AKR1B10: variants seen among roughly 807,000 people sequenced by gnomAD.
The protein encoded by AKR1B10 is ARP.
AKR1B10 carries 39 observed loss-of-function variants against 38.9 expected under a neutral mutation model. The observed-to-expected ratio is 1.00, with a 90% CI of 0.78 to 1.31. The LOEUF (loss-of-function observed/expected upper bound fraction) is 1.31. Among genes scored for constraint, AKR1B10 ranks in the 50% most tolerant of loss-of-function variants. The probability of loss-of-function intolerance (pLI) is 0.00; values close to 1 mark genes in which losing one functional copy is unlikely to be tolerated. For missense variants in AKR1B10, 361 were observed against 382.6 expected (o/e 0.94, Z 0.47); for synonymous variants, 148 against 141.2 (o/e 1.05, Z -0.34).
intron 4 of AKR1B10, 122 bp from the exon 5 acceptor site, chr7:134,536,528 T>G (rs1337675314): frequency 1.4e-6 from 2 of 1,441,266 alleles, no homozygotes; most frequent in Non-Finnish European, 1.8e-6. Context: ...TTCCTGTGAA[T>G]GCTTCGGCTA....
intron 1 of AKR1B10, among the ~76,000 whole-genome samples, chr7:134,530,020 A>G (rs1807806058): frequency 6.6e-6 from 1 of 152,134 alleles, no homozygotes; most frequent in African/African-American, 2.4e-5. Flanking sequence ...CAAAGGCCTC[A>G]TGAGGCTGGT....
rs1807917798 is a variant in AKR1B10 at position 134,533,374 on chromosome 7, C to T, written c.429+293C>T. 2.6e-5 allele frequency among the ~76,000 whole-genome samples: 4 copies of T among 152,110 alleles called. No homozygotes were observed. The South Asian group carries it at 8.3e-4, about 32-fold the overall frequency. The stretch of plus-strand genomic sequence containing the variant: ...AGGCATTTGGAACAGGAGGTTTGGG[C>T]CTGGGTGTGCTCATAGCAGCTGAGT... On this transcript the variant is annotated intron_variant, in intron 4 of 9. Coordinates refer to ENST00000359579, the MANE Select transcript of AKR1B10 (RefSeq NM_020299.5).
chr7:134,534,038 A>G lies in AKR1B10; in HGVS notation c.429+957A>G, dbSNP rs1807934233. ...AATATATTATGTTTCAACTTTCTGA[A>G]ATGCTTATAATTGACATGATTCAAT... On this transcript the variant is annotated intron_variant, in intron 4 of 9. Transcript: ENST00000359579. Among the ~76,000 whole-genome samples the G allele has an allele frequency of 2.6e-5, 4 of 152,214 alleles. No individual in the cohort carries two copies. In the South Asian group the frequency reaches 8.3e-4, roughly 32 times the overall value.
intron 8 of AKR1B10, 140 bp downstream of exon 8, chr7:134,538,417 G>A: frequency 1.2e-6 from 1 of 869,412 alleles, no homozygotes; most frequent in South Asian, 1.6e-5. Context: ...CCAGCCCAGG[G>A]AGCTAGGGTC....
At chr7:134,535,510 C>A (rs767648762) in intron 4 of AKR1B10, 18 of 659,552 alleles carry the variant, frequency 2.7e-5, no homozygotes, top group Non-Finnish European at 3.4e-5. Context: ...CTGAACATGT[C>A]GTGCTTATCC....
At chr7:134,536,068 C>T (rs149880781) in intron 4 of AKR1B10, among the ~76,000 whole-genome samples, 133 of 152,320 alleles carry the variant, frequency 8.7e-4, no homozygotes, top group African/African-American at 3.1e-3. Context: ...ACTCCATGGC[C>T]GGGTGCCCCT....
intron 3 of AKR1B10, 53 bp downstream of exon 3, chr7:134,532,077 T>C: frequency 1.9e-6 from 3 of 1,603,248 alleles, no homozygotes; most frequent in East Asian, 4.5e-5. Flanking sequence ...TGCCAGAAAA[T>C]AGTAGCTGCA....
At chr7:134,528,800 C>T (rs1418968019) in intron 1 of AKR1B10, among the ~76,000 whole-genome samples, 5 of 152,128 alleles carry the variant, frequency 3.3e-5, no homozygotes, top group Non-Finnish European at 5.9e-5. Flanking sequence ...CAGGCTCCAA[C>T]CCAGGCTACC....
chr7:134,530,836 CCT>C, intron 2 of AKR1B10, 26 bp downstream of exon 2: 1 of 1,591,754 alleles, frequency 6.3e-7, no homozygotes, highest in Non-Finnish European at 8.6e-7. Context: ...TGGTGGGAGG[CCT>C]TCACTTCAAG....
intron 7 of AKR1B10, 32 bp from the exon 8 acceptor site, chr7:134,538,162 G>A: frequency 6.3e-7 from 1 of 1,590,384 alleles, no homozygotes; most frequent in African/African-American, 1.3e-5. Context: ...CTTTGGAGCT[G>A]AGTGGAAGCC....
At chr7:134,538,312 A>G (rs1420569039) in intron 8 of AKR1B10, 35 bp downstream of exon 8, 2 of 1,586,656 alleles carry the variant, frequency 1.3e-6, no homozygotes, top group Non-Finnish European at 1.7e-6. Context: ...GGTATTCCTC[A>G]GTGGAGTGGG....
chr7:134,537,610 G>A lies in AKR1B10; in HGVS notation c.690G>A (p.Glu230=). ...AGCCAGAAGACCCTTCCCTGCTGGAGGATCCCAAGATTAAGGAGATTGCTG... is the reference window on the plus strand; with the variant it reads ...AGCCAGAAGACCCTTCCCTGCTGGAAGATCCCAAGATTAAGGAGATTGCTG... ...WAKPEDPSLL[E]DPKIKEIAAK... The change falls in exon 7 of 10, where the codon GAG becomes GAA. Residue 230 remains glutamate (E), a synonymous_variant. Transcript: ENST00000359579. 6.2e-7 allele frequency: 1 copy of A among 1,614,060 alleles called. No homozygotes were observed. The highest frequency in any genetic ancestry group is 8.5e-7 in the Non-Finnish European group (1 of 1,179,958).
At chr7:134,540,958 G>C in intron 9 of AKR1B10, 89 bp from the exon 10 acceptor site, 1 of 939,744 alleles carries the variant, frequency 1.1e-6, no homozygotes, top group Non-Finnish European at 1.7e-6. Context: ...ATATGATAGA[G>C]TCCACCAGGG....
intron 2 of AKR1B10, among the ~76,000 whole-genome samples, chr7:134,531,124 G>A (rs1807844833): frequency 6.6e-6 from 1 of 152,172 alleles, no homozygotes; most frequent in Admixed American, 6.5e-5. Flanking sequence ...CAGAGGCCAA[G>A]GGTGCAGGCG....
intron 9 of AKR1B10, 151 bp downstream of exon 9, chr7:134,539,168 G>A: frequency 1.2e-6 from 1 of 817,166 alleles, no homozygotes; most frequent in East Asian, 2.7e-5. Context: ...GGGTACCTGG[G>A]AATCACTGTG....
At chr7:134,530,055 A>G (rs1807806842) in intron 1 of AKR1B10, among the ~76,000 whole-genome samples, 1 of 152,054 alleles carries the variant, frequency 6.6e-6, no homozygotes, top group Non-Finnish European at 1.5e-5. Flanking sequence ...CATTTTGCAT[A>G]CAAGGTTTAC....
intron 4 of AKR1B10, among the ~76,000 whole-genome samples, chr7:134,534,488 T>C (rs1295705419): frequency 6.6e-6 from 1 of 152,214 alleles, no homozygotes; most frequent in Non-Finnish European, 1.5e-5. Flanking sequence ...ATGGCAAGTA[T>C]GTCAATGTAG....
intron 9 of AKR1B10, among the ~76,000 whole-genome samples, chr7:134,539,902 T>C (rs534914894): frequency 2.5e-4 from 38 of 152,348 alleles, no homozygotes; most frequent in Admixed American, 9.1e-4. Flanking sequence ...TCTTTCAATG[T>C]TTCTATAGCC....
At chr7:134,534,668 T>C (rs748935137) in intron 4 of AKR1B10, among the ~76,000 whole-genome samples, 1 of 152,172 alleles carries the variant, frequency 6.6e-6, no homozygotes, top group Non-Finnish European at 1.5e-5. Flanking sequence ...ACCAGTTCAG[T>C]AGAAACCTCA....
Sources: allele counts gnomAD v4.1 joint callset (sites outside exome capture counted in the v4.1 genomes callset), GRCh38; gene constraint gnomAD v4.1.1; transcripts MANE v1.5; gene names NCBI Gene and HGNC (gene_info 2026-07-23, HGNC 2026-07-21).